GRIK3: variants seen among roughly 807,000 people sequenced by gnomAD.
The protein encoded by GRIK3 is glutamate receptor ionotropic, kainate 3.
In GRIK3, 29 loss-of-function variants were observed where a neutral mutation model predicts 102.5. That is an observed-to-expected ratio of 0.28 (90% CI 0.21 to 0.39). The LOEUF (loss-of-function observed/expected upper bound fraction) is 0.39. Ranked by LOEUF, GRIK3 falls within the 10% of genes least tolerant of loss-of-function variation. The pLI is 1.00. For missense variants in GRIK3, 908 were observed against 1,252.4 expected, an observed-to-expected ratio of 0.73 and a Z score of 4.15; for synonymous variants, 511 against 504.9, an observed-to-expected ratio of 1.01 and a Z score of -0.16.
At chr1:36,810,311 C>A (rs1642547769) in intron 13 of GRIK3, among the ~76,000 whole-genome samples, 1 of 152,206 alleles carries the variant, frequency 6.6e-6, no homozygotes, top group African/African-American at 2.4e-5. Context: ...TGTCATCCTG[C>A]CTGTCCCGGC....
chr1:36,877,249 C>G (rs1640920883), intron 3 of GRIK3, among the ~76,000 whole-genome samples: 1 of 152,206 alleles, frequency 6.6e-6, no homozygotes, highest in African/African-American at 2.4e-5. Flanking sequence ...ATGTCAGTGT[C>G]TGCTCTGACA....
chr1:36,886,075 G>A (rs763392613), intron 2 of GRIK3, among the ~76,000 whole-genome samples: 4 of 152,218 alleles, frequency 2.6e-5, no homozygotes, highest in Non-Finnish European at 5.9e-5. Context: ...AGAAAACACA[G>A]ACACTCTCTG....
chr1:36,880,703 G>A lies in GRIK3; in HGVS notation c.481C>T (p.His161Tyr). The A allele has an allele frequency of 6.2e-7, 1 of 1,614,098 alleles. No homozygotes were observed. Among genetic ancestry groups the A allele is most frequent in the Non-Finnish European group, 8.5e-7 (1 of 1,179,948 alleles). ...TACTGGACCAGGTCGAGGATGGCATGGCTGAGCGAGGCGTAGTCGGGGTAG... is the reference window on the plus strand; with the variant it reads ...TACTGGACCAGGTCGAGGATGGCATAGCTGAGCGAGGCGTAGTCGGGGTAG... ...NLYPDYASLS[H>Y]AILDLVQYLK... Residue 161 changes from histidine to tyrosine, a missense_variant, in exon 3 of 16, where the codon CAT becomes TAT. His to Tyr is a moderately conservative substitution (Grantham distance 83). Transcript: ENST00000373091. The surrounding 1 kb of genome is among the most constrained non-coding windows in gnomAD (Gnocchi z 5.4).
intron 1 of GRIK3, among the ~76,000 whole-genome samples, chr1:36,926,157 C>T (rs1189305618): frequency 6.6e-6 from 1 of 152,202 alleles, no homozygotes; most frequent in East Asian, 1.9e-4. Flanking sequence ...CCTGCTTCTA[C>T]TTTAGGAAGG....
At chr1:36,907,011 T>C (rs1641290822) in intron 1 of GRIK3, among the ~76,000 whole-genome samples, 1 of 152,220 alleles carries the variant, frequency 6.6e-6, no homozygotes, top group African/African-American at 2.4e-5. Flanking sequence ...TACTTTATCA[T>C]ATGTACCCCA....
intron 7 of GRIK3, among the ~76,000 whole-genome samples, chr1:36,854,364 G>A (rs971357008): frequency 4.6e-5 from 7 of 152,198 alleles, no homozygotes; most frequent in Non-Finnish European, 1.0e-4. Flanking sequence ...AATGAGATAA[G>A]TCATATAAAA....
At chr1:36,839,670 G>T (rs1640423908) in intron 10 of GRIK3, among the ~76,000 whole-genome samples, 1 of 152,212 alleles carries the variant, frequency 6.6e-6, no homozygotes, top group Non-Finnish European at 1.5e-5. Flanking sequence ...TTTTACAGAT[G>T]CAGAAACTGA....
At chr1:36,822,494 G>A (rs987794552) in intron 11 of GRIK3, among the ~76,000 whole-genome samples, 3 of 152,172 alleles carry the variant, frequency 2.0e-5, no homozygotes, top group Admixed American at 6.5e-5. Flanking sequence ...TGGGATGGTC[G>A]CAGGACGAGG....
intron 3 of GRIK3, among the ~76,000 whole-genome samples, chr1:36,873,281 T>C (rs1224882496): frequency 1.3e-5 from 2 of 152,224 alleles, no homozygotes; most frequent in Non-Finnish European, 2.9e-5. Flanking sequence ...CCTCCCACAC[T>C]GAAAAATCTA....
At position 37,034,479 on chromosome 1, in the gene GRIK3, C is replaced by T. The variant is rs1006591448; in HGVS notation, c.-371G>A. 6.6e-6 allele frequency among the ~76,000 whole-genome samples: 1 copy of T among 151,808 alleles called. No homozygotes were observed. Among genetic ancestry groups the T allele is most frequent in the Non-Finnish European group, 1.5e-5 (1 of 67,876 alleles). On this transcript the variant is annotated 5_prime_UTR_variant, in exon 1 of 16. Transcript: ENST00000373091. Reference sequence around the variant, plus strand: ...CTGCACGCGTCTCCGGCCGCTCCTCCTCCAGCCGCCGCCGATGCTATCGCC... The same window carrying T: ...CTGCACGCGTCTCCGGCCGCTCCTCTTCCAGCCGCCGCCGATGCTATCGCC...
At chr1:36,822,815 C>T (rs75957145) in intron 11 of GRIK3, among the ~76,000 whole-genome samples, 2,655 of 152,280 alleles carry the variant, frequency 0.017, 85 homozygotes, top group African/African-American at 0.061. Flanking sequence ...TCCCCTGTCA[C>T]GAGTGCCAAC....
chr1:36,868,617 T>TAGGAGG (rs536691527), intron 5 of GRIK3, among the ~76,000 whole-genome samples: 2 of 152,198 alleles, frequency 1.3e-5, no homozygotes, highest in Non-Finnish European at 2.9e-5. Flanking sequence ...GACATGGACT[T>TAGGAGG]AGGAGGAGAT....
At chr1:36,804,720 G>T in intron 15 of GRIK3, 1 of 553,492 alleles carries the variant, frequency 1.8e-6, no homozygotes, top group Non-Finnish European at 3.2e-6. Flanking sequence ...TGTTGGGGAA[G>T]CATGGAGGCT....
At chr1:37,021,127 T>TGTGTGAGA (rs1553128804) in intron 1 of GRIK3, among the ~76,000 whole-genome samples, 3 of 145,300 alleles carry the variant, frequency 2.1e-5, no homozygotes, top group East Asian at 2.1e-4. Context: ...TGTGTGTCTG[T>TGTGTGAGA]GAGAGAGAGA....
chr1:36,958,426 C>CATGAGCCT (rs1641952472), intron 1 of GRIK3, among the ~76,000 whole-genome samples: 1 of 117,620 alleles, frequency 8.5e-6, no homozygotes, highest in Admixed American at 8.9e-5. Flanking sequence ...GTCTGTGCCC[C>CATGAGCCT]GTGACTCTGT....
chr1:36,842,984 C>T (rs1173621387), intron 9 of GRIK3, among the ~76,000 whole-genome samples: 1 of 152,198 alleles, frequency 6.6e-6, no homozygotes, highest in African/African-American at 2.4e-5. Flanking sequence ...GCCAGACCCC[C>T]CACCATCCAC....
At chr1:36,916,076 C>T (rs1641395885) in intron 1 of GRIK3, among the ~76,000 whole-genome samples, 2 of 152,136 alleles carry the variant, frequency 1.3e-5, no homozygotes, top group African/African-American at 2.4e-5. Context: ...CAATGAAATT[C>T]AGGCTGATGT....
chr1:36,821,695 C>CCTAGAAGG (rs1400408662), intron 11 of GRIK3, among the ~76,000 whole-genome samples: 1 of 152,190 alleles, frequency 6.6e-6, no homozygotes, highest in African/African-American at 2.4e-5. Flanking sequence ...CAATGGGATT[C>CCTAGAAGG]CAACAGGGAG....
At chr1:36,832,967 G>A (rs922909004) in intron 10 of GRIK3, among the ~76,000 whole-genome samples, 1 of 152,148 alleles carries the variant, frequency 6.6e-6, no homozygotes, top group African/African-American at 2.4e-5. Flanking sequence ...GCTCCTCCGT[G>A]TCTTTATCAC....
Sources: gnomAD v4.1 joint callset for allele counts (sites outside exome capture counted in the v4.1 genomes callset) on GRCh38, gnomAD v4.1.1 for gene constraint, Gnocchi (gnomAD v3.1) non-coding constraint, MANE v1.5 for transcripts, NCBI Gene and HGNC (gene_info 2026-07-23, HGNC 2026-07-21) for gene names.